Variants in AKT2 observed in about 807,000 individuals in gnomAD.
AKT2 encodes AKT serine/threonine kinase 2.
In AKT2, 16 loss-of-function variants were observed where a neutral mutation model predicts 58.6. The ratio of observed to expected loss-of-function variants is 0.27; its 90% CI spans 0.18 to 0.41. The LOEUF (loss-of-function observed/expected upper bound fraction) is 0.41, where lower values mean the gene tolerates loss of function less well. AKT2 is among the 10% of genes least tolerant of loss of function. AKT2 has a pLI of 1.00. For synonymous variants in AKT2, 253 were observed against 254.0 expected (o/e 1.00, Z 0.04); for missense variants, 438 against 661.0 (o/e 0.66, Z 3.70).
At chr19:40,258,062 C>T (rs1975669974) in intron 2 of AKT2, among the ~76,000 whole-genome samples, 1 of 151,756 alleles carries the variant, frequency 6.6e-6, no homozygotes, top group South Asian at 2.1e-4. Flanking sequence ...GCCTGACCAA[C>T]ATGGAGAAAC....
intron 4 of AKT2, among the ~76,000 whole-genome samples, chr19:40,244,750 G>A (rs1386871078): frequency 6.6e-6 from 1 of 152,242 alleles, no homozygotes; most frequent in East Asian, 1.9e-4. Context: ...GCATCTTCCA[G>A]GATGGCCCCC....
At position 40,238,849 on chromosome 19, in the gene AKT2, G is replaced by A. The variant is rs767416162; in HGVS notation, c.708+56C>T. On this transcript the variant is annotated intron_variant, in intron 8 of 13. Transcript: ENST00000392038. The surrounding 1 kb of genome is among the most constrained non-coding windows in gnomAD (Gnocchi z 5.1). ...CTCACCCACAGCTCCTCTCCATCCC[G>A]CCCCACCCTAAAGAAGGAGGCCCCA... 34 of 1,562,958 alleles carry A rather than the reference G, an allele frequency of 2.2e-5. 1 individual carries two copies. The Middle Eastern group carries it at 5.0e-4, about 23-fold the overall frequency.
chr19:40,282,775 C>G, intron 1 of AKT2: 1 of 320,664 alleles, frequency 3.1e-6, no homozygotes, highest in South Asian at 2.3e-5. Context: ...CAATTTCGGA[C>G]TCTGCAAAAA....
At chr19:40,262,557 A>T (rs556334256) in intron 2 of AKT2, among the ~76,000 whole-genome samples, 1 of 152,322 alleles carries the variant, frequency 6.6e-6, no homozygotes, top group Admixed American at 6.5e-5. Context: ...TAGATGTGCT[A>T]TTACTACACC....
intron 4 of AKT2, among the ~76,000 whole-genome samples, chr19:40,251,225 A>T (rs1344925989): frequency 6.6e-6 from 1 of 152,236 alleles, no homozygotes; most frequent in East Asian, 1.9e-4. Flanking sequence ...TTTTAAATTT[A>T]AAAAATTTTA....
rs544913155 is a variant in AKT2, at chr19:40,248,037, G to T, written c.288-5350C>A. Among the ~76,000 whole-genome samples the T allele has an allele frequency of 5.3e-5, 8 of 152,280 alleles. No homozygotes were observed. The South Asian group carries it at 1.0e-3, about 20-fold the overall frequency. ...CACAGGCTCTGGGCCAGGAGCTGTG[G>T]GGTCATTGCCACCCAATGCGCTGCC... is the stretch of plus-strand genomic sequence containing the variant. On this transcript the variant is annotated intron_variant, in intron 4 of 13. Coordinates refer to ENST00000392038, the MANE Select transcript of AKT2 (RefSeq NM_001626.6).
chr19:40,252,220 G>A (rs1975209207), intron 4 of AKT2, among the ~76,000 whole-genome samples: 1 of 152,204 alleles, frequency 6.6e-6, no homozygotes, highest in Non-Finnish European at 1.5e-5. Flanking sequence ...GCCAGGAGCA[G>A]AGTGGAGGGG....
In AKT2 at chr19:40,242,401, C is replaced by A. The variant is rs1974468646; in HGVS notation, c.441+133G>T. The A allele has an allele frequency of 2.1e-6, 3 of 1,406,360 alleles. No homozygotes were observed. The highest frequency in any genetic ancestry group is 1.2e-5 in the South Asian group (1 of 86,220). The allele number at this position is 1,406,360 out of a possible 1,614,324, so 87.1% of individuals were successfully genotyped here. A position where few individuals can be genotyped will look rare whatever the true frequency, so the allele number is the denominator to read the frequency against. On this transcript the variant is annotated intron_variant, in intron 5 of 13. Transcript: ENST00000392038. The surrounding 1 kb of genome is among the most constrained non-coding windows in gnomAD (Gnocchi z 4.3). ...CTAGGGCACCTGCCACCTGAAATCA[C>A]CCCACCCTGCAGGGCAGCCTTGTCT... is the stretch of plus-strand genomic sequence containing the variant.
chr19:40,256,807 C>T, intron 3 of AKT2, 119 bp downstream of exon 3: 1 of 1,501,914 alleles, frequency 6.7e-7, no homozygotes, highest in South Asian at 1.1e-5. Flanking sequence ...GAAAACAGAT[C>T]CAAGGGCAAG....
chr19:40,230,718 T>G lies in AKT2; in HGVS notation c.*3154A>C, dbSNP rs1973658652. The G allele has an allele frequency of 5.2e-6, 1 of 193,690 alleles. No individual in the cohort carries two copies. Among genetic ancestry groups the G allele is most frequent in the Non-Finnish European group, 1.1e-5 (1 of 94,114 alleles). 12.0% of individuals were successfully genotyped at this position (193,690 alleles called of 1,614,324 possible). A position where few individuals can be genotyped will look rare whatever the true frequency, so the allele number is the denominator to read the frequency against. ...TCTTTTTTAATAGCATGTATCATGT[T>G]TTTTTTTTTTTTATTTTTAGAGACA... On this transcript the variant is annotated 3_prime_UTR_variant, in exon 14 of 14. Transcript: ENST00000392038.
intron 1 of AKT2, chr19:40,274,186 T>A (rs936760731): frequency 1.3e-5 from 2 of 152,384 alleles, no homozygotes; most frequent in Non-Finnish European, 2.9e-5. Context: ...ACTATGTGGG[T>A]AATGTCGCCT....
intron 1 of AKT2, among the ~76,000 whole-genome samples, chr19:40,271,637 T>C (rs757562819): frequency 2.0e-5 from 3 of 152,002 alleles, no homozygotes; most frequent in South Asian, 2.1e-4. Context: ...AAGTGGAAAA[T>C]GTACATGTGC....
rs1421386771 is a variant in AKT2, at chr19:40,238,161, C to G, written c.709-70G>C. ...CCCACCTGCCCTCACCTTCCCAGCCCCCTGCCCCAGCGCAGTGATGTGGTG... is the reference window on the plus strand; with the variant it reads ...CCCACCTGCCCTCACCTTCCCAGCCGCCTGCCCCAGCGCAGTGATGTGGTG... On this transcript the variant is annotated intron_variant, in intron 8 of 13. Coordinates refer to ENST00000392038, the MANE Select transcript of AKT2 (RefSeq NM_001626.6). The surrounding 1 kb of genome is among the most constrained non-coding windows in gnomAD (Gnocchi z 5.1). 1 of 1,543,158 alleles carries G rather than the reference C, an allele frequency of 6.5e-7. No individual in the cohort carries two copies. The highest frequency in any genetic ancestry group is 8.7e-7 in the Non-Finnish European group (1 of 1,143,336).
chr19:40,278,299 T>G (rs2077362606), intron 1 of AKT2, among the ~76,000 whole-genome samples: 1 of 152,116 alleles, frequency 6.6e-6, no homozygotes, highest in Non-Finnish European at 1.5e-5. Flanking sequence ...GCCCGTTTCC[T>G]CCCCTGTACA....
At chr19:40,245,770 G>A (rs1471109946) in intron 4 of AKT2, among the ~76,000 whole-genome samples, 1 of 152,150 alleles carries the variant, frequency 6.6e-6, no homozygotes, top group African/African-American at 2.4e-5. Flanking sequence ...CCACCCCACG[G>A]AGGCAGAGAT....
intron 1 of AKT2, chr19:40,269,431 G>A (rs1257049084): frequency 6.6e-6 from 1 of 152,188 alleles, no homozygotes; most frequent in Non-Finnish European, 1.5e-5. Context: ...ACCTGGGATG[G>A]CTCGAATTTT....
intron 2 of AKT2, among the ~76,000 whole-genome samples, chr19:40,259,716 C>T (rs1975804558): frequency 6.6e-6 from 1 of 152,182 alleles, no homozygotes; most frequent in African/African-American, 2.4e-5. Flanking sequence ...AGAACTCTTA[C>T]AATGCAACAA....
Position 40,242,349 on chromosome 19 carries a change from C to A in AKT2, c.441+185G>T, listed in dbSNP as rs939858916. The A allele has an allele frequency of 9.8e-7, 1 of 1,025,416 alleles. No individual in the cohort carries two copies. Among genetic ancestry groups the A allele is most frequent in the Admixed American group, 1.9e-5 (1 of 53,472 alleles). The allele number at this position is 1,025,416 out of a possible 1,614,324, so 63.5% of individuals were successfully genotyped here. On this transcript the variant is annotated intron_variant, in intron 5 of 13. Transcript: ENST00000392038. This position sits in a 1 kb window ranked among gnomAD's most constrained non-coding sequence, Gnocchi z 4.3. ...TGCAGTGGGTCCACCCAAGGTTGCT[C>A]CCTCCCCTACGGGCATGGAGCACAC...
chr19:40,238,870 C>T lies in AKT2; in HGVS notation c.708+35G>A, dbSNP rs1292372694. Reference sequence around the variant, plus strand: ...TCCCGCCCCACCCTAAAGAAGGAGGCCCCAGAGGGCAAAGTCAAGGCAGCC... The same window carrying T: ...TCCCGCCCCACCCTAAAGAAGGAGGTCCCAGAGGGCAAAGTCAAGGCAGCC... On this transcript the variant is annotated intron_variant, in intron 8 of 13. Coordinates refer to ENST00000392038, the MANE Select transcript of AKT2 (RefSeq NM_001626.6). The surrounding 1 kb of genome is among the most constrained non-coding windows in gnomAD (Gnocchi z 5.1). 1.2e-6 allele frequency: 2 copies of T among 1,609,896 alleles called. No individual in the cohort carries two copies. Among genetic ancestry groups the T allele is most frequent in the East Asian group, 2.2e-5 (1 of 44,858 alleles).
Sources: gnomAD v4.1 joint callset for allele counts (sites outside exome capture counted in the v4.1 genomes callset) on GRCh38, gnomAD v4.1.1 for gene constraint, Gnocchi (gnomAD v3.1) non-coding constraint, MANE v1.5 for transcripts, NCBI Gene and HGNC (gene_info 2026-07-23, HGNC 2026-07-21) for gene names.